TMEM178B: variants seen among roughly 807,000 people sequenced by gnomAD.
The protein encoded by TMEM178B is transmembrane protein 178B.
In TMEM178B, 5 loss-of-function variants were observed where a neutral mutation model predicts 31.0. The observed-to-expected ratio is 0.16, with a 90% CI of 0.08 to 0.34. The LOEUF (loss-of-function observed/expected upper bound fraction) is 0.34. Ranked by LOEUF, TMEM178B falls within the 10% of genes least tolerant of loss-of-function variation. The pLI, the probability that TMEM178B is intolerant of heterozygous loss-of-function variation, is 1.00. For synonymous variants in TMEM178B, 164 were observed against 164.0 expected, an observed-to-expected ratio of 1.00 and a Z score of 0.00; for missense variants, 275 against 400.3, an observed-to-expected ratio of 0.69 and a Z score of 2.67.
intron 1 of TMEM178B, among the ~76,000 whole-genome samples, chr7:141,105,228 G>A (rs1795123938): frequency 6.6e-6 from 1 of 152,160 alleles, no homozygotes; most frequent in African/African-American, 2.4e-5. Flanking sequence ...AGGGAACATT[G>A]GCTGCTGTGG....
chr7:141,087,771 C>T (rs558709179), intron 1 of TMEM178B, among the ~76,000 whole-genome samples: 1 of 152,162 alleles, frequency 6.6e-6, no homozygotes, highest in Non-Finnish European at 1.5e-5. Context: ...GTGGCTTCAG[C>T]CAAGAGTCCT....
intron 2 of TMEM178B, among the ~76,000 whole-genome samples, chr7:141,223,349 T>C (rs932749663): frequency 6.6e-6 from 1 of 152,084 alleles, no homozygotes; most frequent in Non-Finnish European, 1.5e-5. Context: ...GATTATGGGA[T>C]TATGGAGTTG....
intron 2 of TMEM178B, among the ~76,000 whole-genome samples, chr7:141,280,731 A>G (rs148215425): frequency 6.6e-6 from 1 of 152,018 alleles, no homozygotes; most frequent in African/African-American, 2.4e-5. Context: ...CATTTAAATG[A>G]CACTTTTTTC....
At chr7:141,389,468 A>G (rs566826873) in intron 2 of TMEM178B, among the ~76,000 whole-genome samples, 1 of 152,352 alleles carries the variant, frequency 6.6e-6, no homozygotes, top group Admixed American at 6.5e-5. Context: ...TCTGTACACA[A>G]CATAGTATAG....
chr7:141,485,624 G>C, the TMEM178B span, among the ~76,000 whole-genome samples: 3 of 152,210 alleles, frequency 2.0e-5, no homozygotes, highest in African/African-American at 7.2e-5. Flanking sequence ...CTGCAGCTGC[G>C]TCTTAAAGCA....
intron 2 of TMEM178B, among the ~76,000 whole-genome samples, chr7:141,222,139 G>A (rs1424866521): frequency 6.6e-6 from 1 of 152,184 alleles, no homozygotes; most frequent in Non-Finnish European, 1.5e-5. Context: ...ACCTGTATTT[G>A]TGTGCTGTCT....
At chr7:141,279,818 C>G (rs1798325603) in intron 2 of TMEM178B, among the ~76,000 whole-genome samples, 1 of 152,260 alleles carries the variant, frequency 6.6e-6, no homozygotes, top group African/African-American at 2.4e-5. Flanking sequence ...CTTTCTGTAG[C>G]CATCGGTGGA....
chr7:141,405,882 C>T (rs960578488), intron 2 of TMEM178B, among the ~76,000 whole-genome samples: 5 of 152,196 alleles, frequency 3.3e-5, no homozygotes, highest in African/African-American at 1.2e-4. Flanking sequence ...AGATGGATTT[C>T]CATTTTAATG....
intron 1 of TMEM178B, among the ~76,000 whole-genome samples, chr7:141,121,918 C>G (rs1327880840): frequency 6.6e-6 from 1 of 152,106 alleles, no homozygotes; most frequent in African/African-American, 2.4e-5. Flanking sequence ...CTCTTCCTTC[C>G]AAAAGTTTGT....
intron 1 of TMEM178B, among the ~76,000 whole-genome samples, chr7:141,188,742 G>C (rs897442425): frequency 6.6e-6 from 1 of 152,342 alleles, no homozygotes; most frequent in South Asian, 2.1e-4. Context: ...GCTGGTGATT[G>C]TGACCTTGAG....
intron 2 of TMEM178B, among the ~76,000 whole-genome samples, chr7:141,222,398 A>G (rs186663846): frequency 1.3e-5 from 2 of 152,322 alleles, no homozygotes; most frequent in Non-Finnish European, 2.9e-5. Context: ...GCCACTGTCT[A>G]GGTATATGAC....
intron 1 of TMEM178B, chr7:141,173,350 G>C (rs1796377578): frequency 6.6e-6 from 1 of 152,224 alleles, no homozygotes. Flanking sequence ...CAAAGTAGAT[G>C]CTCAGTAAAT....
At chr7:141,435,981 G>A (rs961549114) in intron 2 of TMEM178B, among the ~76,000 whole-genome samples, 1 of 152,112 alleles carries the variant, frequency 6.6e-6, no homozygotes, top group South Asian at 2.1e-4. Context: ...GTCTGCTGCT[G>A]TTCCCCTCCT....
intron 2 of TMEM178B, among the ~76,000 whole-genome samples, chr7:141,312,182 T>G (rs1471343535): frequency 6.6e-6 from 1 of 152,214 alleles, no homozygotes; most frequent in Non-Finnish European, 1.5e-5. Context: ...GAAATTGAAG[T>G]GAATATCCAA....
intron 1 of TMEM178B, among the ~76,000 whole-genome samples, chr7:141,181,730 T>C (rs149440903): frequency 1.3e-5 from 2 of 152,330 alleles, no homozygotes; most frequent in African/African-American, 4.8e-5. Flanking sequence ...TACTCCTCTT[T>C]TATCTCTGGT....
At position 141,170,777 on chromosome 7, in the gene TMEM178B, G is replaced by A. The variant is rs1796335673; in HGVS notation, c.383-41814G>A. On this transcript the variant is annotated intron_variant, in intron 1 of 3. Coordinates refer to ENST00000565468, the MANE Select transcript of TMEM178B (RefSeq NM_001195278.2). The stretch of plus-strand genomic sequence containing the variant: ...AGGGAAATATCTGGAAGTGCCCTAG[G>A]CAGCACTAATCCTGGACCAGCCCCT... Among the ~76,000 whole-genome samples, 7 of 152,286 alleles carry A rather than the reference G, an allele frequency of 4.6e-5. 1 individual carries two copies. In the Middle Eastern group the frequency reaches 0.024, roughly 518 times the overall value.
At chr7:141,209,818 A>G (rs767989397) in intron 1 of TMEM178B, among the ~76,000 whole-genome samples, 4 of 152,184 alleles carry the variant, frequency 2.6e-5, no homozygotes, top group Non-Finnish European at 5.9e-5. Flanking sequence ...CCTAAGGGAA[A>G]GAAAGGCAGG....
intron 2 of TMEM178B, among the ~76,000 whole-genome samples, chr7:141,279,539 A>C (rs1051073496): frequency 6.6e-6 from 1 of 152,210 alleles, no homozygotes; most frequent in Non-Finnish European, 1.5e-5. Context: ...GGGAGAGCAA[A>C]TGCTGTGACA....
chr7:141,241,604 A>G (rs925390470), intron 2 of TMEM178B, among the ~76,000 whole-genome samples: 3 of 151,712 alleles, frequency 2.0e-5, no homozygotes, highest in African/African-American at 7.3e-5. Context: ...AAAAAAAAAA[A>G]AAAAAAAAAG....
Sources: gnomAD v4.1 joint callset for allele counts (sites outside exome capture counted in the v4.1 genomes callset) on GRCh38, gnomAD v4.1.1 for gene constraint, MANE v1.5 for transcripts, NCBI Gene and HGNC (gene_info 2026-07-23, HGNC 2026-07-21) for gene names.